Variants in NIPA1 observed in about 807,000 individuals in gnomAD.
NIPA1 encodes NIPA magnesium transporter 1, also known as magnesium transporter NIPA1.
In NIPA1, 13 loss-of-function variants were observed where a neutral mutation model predicts 23.9. That is an observed-to-expected ratio of 0.54 (90% confidence interval 0.35 to 0.87). The LOEUF is 0.87. Among genes scored for constraint, NIPA1 ranks in the 40% least tolerant of loss-of-function variants. The pLI is 0.01. For missense variants in NIPA1, 362 were observed against 429.7 expected, an observed-to-expected ratio of 0.84 and a Z score of 1.39; for synonymous variants, 234 against 202.9, an observed-to-expected ratio of 1.15 and a Z score of -1.30.
rs1205608292 is a variant in NIPA1 at position 22,820,970 on chromosome 15, C to CT, written c.478+501dup. Reference sequence around the variant, plus strand: ...GTTTATATATCTTTTGACATAATTTCTTTTCTTTTCTTTTTTTTTTTTTTG... The same window carrying CT: ...GTTTATATATCTTTTGACATAATTTCTTTTTCTTTTCTTTTTTTTTTTTTTG... On this transcript the variant is annotated intron_variant, in intron 4 of 4. Coordinates refer to ENST00000337435, the MANE Select transcript of NIPA1 (RefSeq NM_144599.5). 2.3e-5 allele frequency among the ~76,000 whole-genome samples: 3 copies of CT among 131,704 alleles called. No individual in the cohort carries two copies. The Admixed American group carries it at 2.8e-4, about 12-fold the overall frequency. The allele number at this position is 131,704 out of a possible 152,430, so 86.4% of individuals were successfully genotyped here. A position where few individuals can be genotyped will look rare whatever the true frequency, so the allele number is the denominator to read the frequency against.
At chr15:22,809,753 A>T (rs1476473249) in intron 1 of NIPA1, among the ~76,000 whole-genome samples, 5 of 150,514 alleles carry the variant, frequency 3.3e-5, no homozygotes, top group Non-Finnish European at 5.9e-5. Flanking sequence ...TGAAAAAAAA[A>T]AAAAGGCCAG....
rs755348129 is a variant in NIPA1, at chr15:22,823,733, G to A, written c.484G>A (p.Val162Met). 2.5e-6 allele frequency: 4 copies of A among 1,606,152 alleles called. No homozygotes were observed. The highest frequency in any genetic ancestry group is 3.4e-6 in the Non-Finnish European group (4 of 1,178,584). ...GTGTGCTGTCTGTGTTCCAGTGTTT[G>A]TGGGCTACCTGTGCATCGTGCTGCT... The part of the protein sequence containing the change: ...LEEKLTNPVF[V>M]GYLCIVLLML... The change falls in exon 5 of 5, where the codon GTG (valine) becomes ATG (methionine). Residue 162 changes from valine (V) to methionine (M), a missense_variant. Physicochemically the swap from Val to Met is conservative, Grantham distance 21 (BLOSUM62 1). Transcript: ENST00000337435.
At chr15:22,788,029 A>T (rs145179452) in intron 1 of NIPA1, among the ~76,000 whole-genome samples, 166 of 152,300 alleles carry the variant, frequency 1.1e-3, no homozygotes, top group African/African-American at 3.9e-3. Context: ...AGGCACACAG[A>T]TACACACACA....
At chr15:22,804,442 A>T (rs1895158821) in intron 1 of NIPA1, among the ~76,000 whole-genome samples, 1 of 152,140 alleles carries the variant, frequency 6.6e-6, no homozygotes, top group Non-Finnish European at 1.5e-5. Context: ...CTTGAGGAGC[A>T]CGAATGTTTA....
intron 3 of NIPA1, chr15:22,813,491 T>C (rs182253614): frequency 3.3e-5 from 12 of 359,710 alleles, no homozygotes; most frequent in Admixed American, 1.8e-4. Flanking sequence ...GAGATACTTA[T>C]TAAATAACAT....
intron 1 of NIPA1, among the ~76,000 whole-genome samples, chr15:22,800,126 C>A (rs74777215): frequency 6.6e-6 from 1 of 151,814 alleles, no homozygotes; most frequent in African/African-American, 2.4e-5. Flanking sequence ...GCACAATATA[C>A]GCAAAGAACA....
intron 1 of NIPA1, among the ~76,000 whole-genome samples, chr15:22,793,369 A>G (rs1348979357): frequency 6.6e-6 from 1 of 151,412 alleles, no homozygotes. Context: ...AAAAAAAAAA[A>G]AAAAAAAAAG....
intron 1 of NIPA1, among the ~76,000 whole-genome samples, chr15:22,795,116 AC>A (rs1312910465): frequency 6.6e-6 from 1 of 152,062 alleles, no homozygotes; most frequent in Non-Finnish European, 1.5e-5. Context: ...GACCTTACTT[AC>A]GTCCTACTAA....
At chr15:22,805,591 C>T (rs948367203) in intron 1 of NIPA1, among the ~76,000 whole-genome samples, 1 of 152,092 alleles carries the variant, frequency 6.6e-6, no homozygotes, top group African/African-American at 2.4e-5. Context: ...GAGGCTGAGG[C>T]AGGAGAACTG....
chr15:22,808,860 G>T (rs1204018154), intron 1 of NIPA1, among the ~76,000 whole-genome samples: 1 of 151,874 alleles, frequency 6.6e-6, no homozygotes, highest in Admixed American at 6.6e-5. Flanking sequence ...TGTAGAGATA[G>T]AGTCTTGCTA....
chr15:22,790,378 G>C (rs1003090428), intron 1 of NIPA1, among the ~76,000 whole-genome samples: 1 of 150,198 alleles, frequency 6.7e-6, no homozygotes, highest in Admixed American at 6.6e-5. Flanking sequence ...CACCAGTCTC[G>C]ATCTCCTGAC....
intron 1 of NIPA1, among the ~76,000 whole-genome samples, chr15:22,797,849 T>A (rs1231603991): frequency 1.5e-5 from 2 of 130,958 alleles, no homozygotes; most frequent in African/African-American, 6.8e-5. Context: ...CAAAACCGAT[T>A]TTTTTTTTTT....
chr15:22,823,848 GT>G lies in NIPA1; in HGVS notation c.602del (p.Phe201SerfsTer121). The G allele has an allele frequency of 6.2e-7, 1 of 1,614,142 alleles. No individual in the cohort carries two copies. Among genetic ancestry groups the G allele is most frequent in the Non-Finnish European group, 8.5e-7 (1 of 1,179,976 alleles). On this transcript the variant is annotated frameshift_variant, in exon 5 of 5. Transcript: ENST00000337435. LOFTEE classifies it high-confidence loss of function. ...VYISICSLLG[S>X]FTVPSTKGIG... ...ATCAGCATCTGCTCCTTGCTGGGCA[GT>G]TTCACCGTGCCTTCCACCAAGGGCA... is the stretch of plus-strand genomic sequence containing the variant.
intron 1 of NIPA1, among the ~76,000 whole-genome samples, chr15:22,791,860 G>A (rs946683517): frequency 6.6e-6 from 1 of 152,088 alleles, no homozygotes; most frequent in African/African-American, 2.4e-5. Flanking sequence ...CATAGGCTCG[G>A]ATGGGACAGC....
At chr15:22,821,167 A>G (rs1427712359) in intron 4 of NIPA1, among the ~76,000 whole-genome samples, 2 of 151,894 alleles carry the variant, frequency 1.3e-5, no homozygotes, top group African/African-American at 2.4e-5. Context: ...GGATTTCATC[A>G]TGTTAGCCAG....
chr15:22,802,970 G>A (rs1895117341), intron 1 of NIPA1, among the ~76,000 whole-genome samples: 2 of 151,718 alleles, frequency 1.3e-5, no homozygotes, highest in Admixed American at 1.3e-4. Flanking sequence ...TTTTGGGTGG[G>A]TGGTGACAGA....
At chr15:22,795,319 T>C (rs2140850759) in intron 1 of NIPA1, among the ~76,000 whole-genome samples, 1 of 152,146 alleles carries the variant, frequency 6.6e-6, no homozygotes, top group Admixed American at 6.5e-5. Flanking sequence ...CGAAGCCCCA[T>C]GGTGTCCCAG....
At chr15:22,820,798 C>G (rs1404018847) in intron 4 of NIPA1, among the ~76,000 whole-genome samples, 1 of 152,044 alleles carries the variant, frequency 6.6e-6, no homozygotes, top group Non-Finnish European at 1.5e-5. Flanking sequence ...CCTCCCAAGT[C>G]TGACTGCCAC....
chr15:22,820,484 T>C lies in NIPA1; in HGVS notation c.478+11T>C. The C allele has an allele frequency of 6.8e-6, 11 of 1,611,320 alleles. No individual in the cohort carries two copies. Among genetic ancestry groups the C allele is most frequent in the Non-Finnish European group, 9.3e-6 (11 of 1,177,394 alleles). On this transcript the variant is annotated intron_variant, in intron 4 of 4. Coordinates refer to ENST00000337435, the MANE Select transcript of NIPA1 (RefSeq NM_144599.5). ...AGCTGACCAATCCAGGTAATTCCTT[T>C]CTAGCAGCACTGCCAAGAAAGTTTG...
Sources: gnomAD v4.1 joint callset for allele counts (sites outside exome capture counted in the v4.1 genomes callset) on GRCh38, gnomAD v4.1.1 for gene constraint, MANE v1.5 for transcripts, NCBI Gene and HGNC (gene_info 2026-07-23, HGNC 2026-07-21) for gene names.